ULK4: variants seen among roughly 807,000 people sequenced by gnomAD.
ULK4 encodes unc-51 like kinase 4, also known as inactive serine/threonine-protein kinase ULK4.
A neutral mutation model predicts 160.6 loss-of-function variants in ULK4; 133 were observed. That is an observed-to-expected ratio of 0.83 (90% confidence interval 0.72 to 0.96). ULK4 has a LOEUF of 0.96. Among genes scored for constraint, ULK4 ranks in the 40% least tolerant of loss-of-function variants. The probability of loss-of-function intolerance (pLI) is 0.00; values close to 1 mark genes in which losing one functional copy is unlikely to be tolerated. For missense variants in ULK4, 1,580 were observed against 1,499.5 expected (o/e 1.05, Z -0.89); for synonymous variants, 534 against 539.8 (o/e 0.99, Z 0.15).
chr3:41,468,341 G>A (rs1181268938), intron 32 of ULK4, among the ~76,000 whole-genome samples: 2 of 152,160 alleles, frequency 1.3e-5, no homozygotes, highest in African/African-American at 4.8e-5. Context: ...GGTCGAGTAA[G>A]TCCCAAACAG....
chr3:41,690,607 C>G (rs1296064867), intron 27 of ULK4, among the ~76,000 whole-genome samples: 1 of 151,520 alleles, frequency 6.6e-6, no homozygotes, highest in African/African-American at 2.4e-5. Context: ...GCTCTCCCAC[C>G]AACCAATACA....
chr3:41,402,616 C>T (rs547887479), intron 34 of ULK4, among the ~76,000 whole-genome samples: 5 of 152,198 alleles, frequency 3.3e-5, no homozygotes, highest in East Asian at 1.9e-4. Flanking sequence ...TCCATATGAT[C>T]GTGTAATATT....
At chr3:41,671,060 T>C (rs1447155019) in intron 29 of ULK4, among the ~76,000 whole-genome samples, 1 of 152,072 alleles carries the variant, frequency 6.6e-6, no homozygotes, top group African/African-American at 2.4e-5. Flanking sequence ...TGCAAAAATA[T>C]CTGAAGTTAA....
intron 31 of ULK4, among the ~76,000 whole-genome samples, chr3:41,585,926 A>T (rs997157353): frequency 6.6e-6 from 1 of 152,260 alleles, no homozygotes; most frequent in African/African-American, 2.4e-5. Flanking sequence ...ATCACTAATT[A>T]TAAGAGAAAT....
intron 32 of ULK4, among the ~76,000 whole-genome samples, chr3:41,548,957 A>G (rs1210946125): frequency 6.6e-6 from 1 of 152,310 alleles, no homozygotes; most frequent in South Asian, 2.1e-4. Flanking sequence ...CAAAGAAATC[A>G]TAAAGATACT....
At chr3:41,507,876 A>C (rs2085448816) in intron 32 of ULK4, among the ~76,000 whole-genome samples, 1 of 152,330 alleles carries the variant, frequency 6.6e-6, no homozygotes, top group South Asian at 2.1e-4. Context: ...GTGGAGATAC[A>C]TTGTGAACAT....
intron 35 of ULK4, among the ~76,000 whole-genome samples, chr3:41,326,453 T>C (rs1439999291): frequency 3.0e-5 from 3 of 101,192 alleles, no homozygotes; most frequent in Non-Finnish European, 5.8e-5. Context: ...CATATATACA[T>C]ATATATATAT....
intron 22 of ULK4, among the ~76,000 whole-genome samples, chr3:41,738,065 A>C (rs1229667013): frequency 7.0e-6 from 1 of 143,654 alleles, no homozygotes; most frequent in African/African-American, 3.0e-5. Flanking sequence ...AAGAGCAAAA[A>C]CTTAAAATAT....
intron 35 of ULK4, among the ~76,000 whole-genome samples, chr3:41,320,128 T>G (rs1333012322): frequency 6.6e-6 from 1 of 152,194 alleles, no homozygotes; most frequent in African/African-American, 2.4e-5. Context: ...AGCTCTGCTG[T>G]TTACTGGTTA....
At chr3:41,696,465 T>A (rs2125815355) in intron 27 of ULK4, among the ~76,000 whole-genome samples, 1 of 152,178 alleles carries the variant, frequency 6.6e-6, no homozygotes, top group South Asian at 2.1e-4. Flanking sequence ...TGGAAATGAC[T>A]CACACTCTTT....
At position 41,246,909 on chromosome 3, in the gene ULK4, T is replaced by A; in HGVS notation, c.*20A>T. ...GAGGGCTGGGGCCACAGGGCGGGCT[T>A]GTGCTAAGCACCTTCTTGCCTAGTG... On this transcript the variant is annotated 3_prime_UTR_variant, in exon 37 of 37. Coordinates refer to ENST00000301831, the MANE Select transcript of ULK4 (RefSeq NM_017886.4). The A allele has an allele frequency of 6.2e-7, 1 of 1,612,470 alleles. No homozygotes were observed. Among genetic ancestry groups the A allele is most frequent in the Non-Finnish European group, 8.5e-7 (1 of 1,179,472 alleles).
chr3:41,252,605 G>T (rs907213094), intron 35 of ULK4, among the ~76,000 whole-genome samples: 16 of 115,764 alleles, frequency 1.4e-4, no homozygotes, highest in African/African-American at 3.7e-4. Context: ...CAGCAGCAGA[G>T]ATTGAAAAAA....
rs1481035381 is a variant in ULK4 at position 41,690,280 on chromosome 3, G to A, written c.2782-8476C>T. Among the ~76,000 whole-genome samples, 8 of 151,320 alleles carry A rather than the reference G, an allele frequency of 5.3e-5. 1 individual carries two copies. The highest frequency in any genetic ancestry group is 2.1e-4 in the South Asian group (1 of 4,802). On this transcript the variant is annotated intron_variant, in intron 27 of 36. Transcript: ENST00000301831. ...CACAGGAAGGGGAACATCACACTCCGGGGACTGTTGTGGGGTAGGGGGAGT... is the reference window on the plus strand; with the variant it reads ...CACAGGAAGGGGAACATCACACTCCAGGGACTGTTGTGGGGTAGGGGGAGT...
At chr3:41,572,181 C>A (rs13316983) in intron 31 of ULK4, among the ~76,000 whole-genome samples, 190 of 152,036 alleles carry the variant, frequency 1.2e-3, no homozygotes, top group Non-Finnish European at 2.3e-3. Context: ...ATGGCAGAAA[C>A]CTTGCCCCTA....
intron 12 of ULK4, among the ~76,000 whole-genome samples, chr3:41,906,344 G>C (rs1312486724): frequency 6.6e-6 from 1 of 151,574 alleles, no homozygotes; most frequent in Non-Finnish European, 1.5e-5. Flanking sequence ...ACGCAAAATA[G>C]TGGGACCCTG....
intron 13 of ULK4, among the ~76,000 whole-genome samples, chr3:41,900,266 G>C (rs1369056951): frequency 4.6e-5 from 7 of 150,888 alleles, no homozygotes; most frequent in Admixed American, 1.3e-4. Context: ...ACCTGTGAGA[G>C]GGTAGGGCTT....
At chr3:41,474,043 A>G (rs2084068875) in intron 32 of ULK4, among the ~76,000 whole-genome samples, 1 of 152,194 alleles carries the variant, frequency 6.6e-6, no homozygotes, top group Non-Finnish European at 1.5e-5. Context: ...GGAGCCCTCA[A>G]ATGGCCAAGG....
intron 36 of ULK4, 76 bp downstream of exon 36, chr3:41,249,413 G>T: frequency 7.5e-7 from 1 of 1,339,428 alleles, no homozygotes. Flanking sequence ...AGATGAGTGG[G>T]AGGAGTGGAG....
At chr3:41,898,658 CA>C (rs1698250270) in intron 13 of ULK4, among the ~76,000 whole-genome samples, 166 bp from the exon 14 acceptor site, 1 of 152,142 alleles carries the variant, frequency 6.6e-6, no homozygotes, top group South Asian at 2.1e-4. Flanking sequence ...TTAAAACACA[CA>C]AATATAGATA....
Sources: gnomAD v4.1 joint callset for allele counts (sites outside exome capture counted in the v4.1 genomes callset) on GRCh38, gnomAD v4.1.1 for gene constraint, MANE v1.5 for transcripts, NCBI Gene and HGNC (gene_info 2026-07-23, HGNC 2026-07-21) for gene names.